The following SEC31B variants were observed in gnomAD, a reference collection of about 807,000 sequenced individuals.
SEC31B encodes protein transport protein Sec31B.
SEC31B carries 113 observed loss-of-function variants against 135.0 expected under a neutral mutation model. That is an observed-to-expected ratio of 0.84 (90% CI 0.72 to 0.98). The LOEUF is 0.98. Among genes scored for constraint, SEC31B ranks in the 50% least tolerant of loss-of-function variants. SEC31B has a pLI of 0.00. For synonymous variants in SEC31B, 508 were observed against 549.4 expected (o/e 0.92, Z 1.05); for missense variants, 1,296 against 1,421.1 (o/e 0.91, Z 1.42).
chr10:100,505,743 G>T, intron 9 of SEC31B: 1 of 1,412,908 alleles, frequency 7.1e-7, no homozygotes, highest in Non-Finnish European at 9.2e-7. Context: ...ATCTATAGAA[G>T]AGAGAAAGAT....
intron 1 of SEC31B, among the ~76,000 whole-genome samples, chr10:100,518,428 C>T (rs940925113): frequency 3.3e-5 from 5 of 152,172 alleles, no homozygotes; most frequent in African/African-American, 1.2e-4. Context: ...TTTTTTTCTT[C>T]CTAGTAATTT....
chr10:100,497,559 C>A, intron 16 of SEC31B, 108 bp downstream of exon 16: 1 of 1,578,068 alleles, frequency 6.3e-7, no homozygotes, highest in Non-Finnish European at 8.6e-7. Context: ...GACAACATTG[C>A]CTCGCCTCCC....
chr10:100,507,387 C>T (rs1564652784), intron 7 of SEC31B, 38 bp downstream of exon 7: 4 of 1,613,632 alleles, frequency 2.5e-6, no homozygotes, highest in Admixed American at 1.7e-5. Context: ...TTATATCCAC[C>T]ATCCCCCCAA....
chr10:100,488,786 G>A lies in SEC31B; in HGVS notation c.3288+72C>T, dbSNP rs544459356. 2.9e-5 allele frequency: 44 copies of A among 1,495,790 alleles called. No individual in the cohort carries two copies. In the East Asian group the frequency reaches 1.0e-3, roughly 35 times the overall value. 92.7% of individuals were successfully genotyped at this position (1,495,790 alleles called of 1,614,324 possible). The stretch of plus-strand genomic sequence containing the variant: ...TGAGAAGAGAGTCACACAAGGAACT[G>A]GTCCACAGCTGAGGGGTCCTGGAGC... On this transcript the variant is annotated intron_variant, in intron 24 of 25. Transcript: ENST00000370345.
At chr10:100,491,524 T>C (rs1851299795) in intron 19 of SEC31B, among the ~76,000 whole-genome samples, 1 of 152,168 alleles carries the variant, frequency 6.6e-6, no homozygotes, top group East Asian at 1.9e-4. Context: ...AAATAATGTA[T>C]ATAAAAAATA....
chr10:100,496,624 G>A (rs767763228), intron 17 of SEC31B, among the ~76,000 whole-genome samples, 193 bp from the exon 18 acceptor site: 4 of 152,220 alleles, frequency 2.6e-5, no homozygotes, highest in Non-Finnish European at 5.9e-5. Context: ...CTCCCAAGCT[G>A]TTAGGATTGG....
chr10:100,488,730 T>C, intron 24 of SEC31B, 128 bp downstream of exon 24: 2 of 1,289,614 alleles, frequency 1.6e-6, no homozygotes, highest in Non-Finnish European at 2.1e-6. Context: ...GTCAATTAAG[T>C]ACAAGATAGA....
In SEC31B at chr10:100,498,798, T is replaced by C. The variant is rs760197001; in HGVS notation, c.1591A>G (p.Lys531Glu). Residue 531 changes from lysine (K) to glutamate (E), a missense_variant, in exon 14 of 26, where the codon AAA (lysine) becomes GAA (glutamate). By Grantham distance (56) the Lys-to-Glu change is moderately conservative. Coordinates refer to ENST00000370345, the MANE Select transcript of SEC31B (RefSeq NM_015490.4). ...GCAGAGGCTTCCTTTGTGGTGTGTT[T>C]GGAGGCCTGTATGAGGAAGGACAGA... ...RQQAFCSQAS[K>E]HTTKEASASS... 3.7e-6 allele frequency: 6 copies of C among 1,613,034 alleles called. No individual in the cohort carries two copies. The highest frequency in any genetic ancestry group is 3.4e-6 in the Non-Finnish European group (4 of 1,179,100).
chr10:100,501,466 A>G (rs1045550901), intron 11 of SEC31B, among the ~76,000 whole-genome samples: 2 of 152,128 alleles, frequency 1.3e-5, no homozygotes, highest in Non-Finnish European at 2.9e-5. Flanking sequence ...CTGTATAGTC[A>G]AGATCTTTCT....
chr10:100,490,384 A>T (rs1388975263), intron 20 of SEC31B, 62 bp from the exon 21 acceptor site: 1 of 1,492,184 alleles, frequency 6.7e-7, no homozygotes, highest in Non-Finnish European at 9.0e-7. Flanking sequence ...AACTCAGAGC[A>T]TATCAGGGAG....
intron 19 of SEC31B, 138 bp from the exon 20 acceptor site, chr10:100,491,021 T>C: frequency 2.0e-6 from 1 of 512,370 alleles, no homozygotes; most frequent in Non-Finnish European, 3.1e-6. Flanking sequence ...GATAAACATC[T>C]AAAAACTGAT....
rs1304933958 is a variant in SEC31B, at chr10:100,519,433, G to C, written c.-46+349C>G. Reference sequence around the variant, plus strand: ...CTGTCGCCGAAGCGCGGCGCGCCAGGGTCAGCAATGACAGACCTTCCCGCC... The same window carrying C: ...CTGTCGCCGAAGCGCGGCGCGCCAGCGTCAGCAATGACAGACCTTCCCGCC... On this transcript the variant is annotated intron_variant, in intron 1 of 25. Coordinates refer to ENST00000370345, the MANE Select transcript of SEC31B (RefSeq NM_015490.4). 2.6e-5 allele frequency among the ~76,000 whole-genome samples: 4 copies of C among 152,234 alleles called. No individual in the cohort carries two copies. In the South Asian group the frequency reaches 8.3e-4, roughly 31 times the overall value.
chr10:100,488,183 G>A (rs924555651), intron 24 of SEC31B, 85 bp from the exon 25 acceptor site: 1 of 1,263,564 alleles, frequency 7.9e-7, no homozygotes, highest in African/African-American at 1.5e-5. Context: ...TATTAGGCCG[G>A]GCATGGTGGC....
chr10:100,494,410 T>G (rs1265228328), intron 19 of SEC31B, among the ~76,000 whole-genome samples: 1 of 152,184 alleles, frequency 6.6e-6, no homozygotes, highest in Admixed American at 6.5e-5. Context: ...ATGTCACTCT[T>G]CCTAAAACTG....
At chr10:100,493,337 C>G (rs1433893922) in intron 19 of SEC31B, among the ~76,000 whole-genome samples, 1 of 150,686 alleles carries the variant, frequency 6.6e-6, no homozygotes, top group Non-Finnish European at 1.5e-5. Context: ...CGCGCCACTG[C>G]ACTCCAGCCT....
chr10:100,493,354 C>T (rs542912228), intron 19 of SEC31B, among the ~76,000 whole-genome samples: 1 of 146,216 alleles, frequency 6.8e-6, no homozygotes, highest in Non-Finnish European at 1.5e-5. Context: ...GCCTGGGCAA[C>T]AAAGCAAGAC....
At chr10:100,510,857 C>T (rs1019202161) in intron 3 of SEC31B, among the ~76,000 whole-genome samples, 2 of 152,240 alleles carry the variant, frequency 1.3e-5, no homozygotes, top group African/African-American at 4.8e-5. Flanking sequence ...GATCTTAATA[C>T]AGCAGAAGGA....
At chr10:100,502,569 A>G in intron 10 of SEC31B, 85 bp from the exon 11 acceptor site, 1 of 812,326 alleles carries the variant, frequency 1.2e-6, no homozygotes, top group Admixed American at 2.5e-5. Flanking sequence ...AAGGCTATCT[A>G]ATGGCTGACC....
At chr10:100,511,362 T>C (rs1360907156) in intron 3 of SEC31B, among the ~76,000 whole-genome samples, 2 of 152,120 alleles carry the variant, frequency 1.3e-5, no homozygotes, top group Non-Finnish European at 2.9e-5. Flanking sequence ...GCTCAGGGAG[T>C]GTTCCCATCT....
Sources: allele counts gnomAD v4.1 joint callset (sites outside exome capture counted in the v4.1 genomes callset), GRCh38; gene constraint gnomAD v4.1.1; transcripts MANE v1.5; gene names NCBI Gene and HGNC (gene_info 2026-07-23, HGNC 2026-07-21).